Variants in TMEM178B observed in about 807,000 individuals in gnomAD.
TMEM178B encodes the protein transmembrane protein 178B.
TMEM178B carries 5 observed loss-of-function variants against 31.0 expected under a neutral mutation model. The observed-to-expected ratio is 0.16, with a 90% CI of 0.08 to 0.34. The LOEUF (loss-of-function observed/expected upper bound fraction) is 0.34. Among genes scored for constraint, TMEM178B ranks in the 10% least tolerant of loss-of-function variants. TMEM178B has a pLI of 1.00. For missense variants in TMEM178B, 275 were observed against 400.3 expected, an observed-to-expected ratio of 0.69 and a Z score of 2.67; for synonymous variants, 164 against 164.0, an observed-to-expected ratio of 1.00 and a Z score of 0.00.
At chr7:141,400,886 C>A in intron 2 of TMEM178B, among the ~76,000 whole-genome samples, 1 of 152,242 alleles carries the variant, frequency 6.6e-6, no homozygotes, top group East Asian at 1.9e-4. Flanking sequence ...CTTGTCTTCT[C>A]TGCCCCCCAG....
At chr7:141,482,994 C>T (rs1802502588), downstream of TMEM178B, among the ~76,000 whole-genome samples, 1 of 152,108 alleles carries the variant, frequency 6.6e-6, no homozygotes, top group Admixed American at 6.5e-5. Context: ...CAGTCTCCAG[C>T]CCTGTCAGAG....
At chr7:141,508,569 A>G in the TMEM178B span, among the ~76,000 whole-genome samples, 1 of 152,196 alleles carries the variant, frequency 6.6e-6, no homozygotes, top group Admixed American at 6.5e-5. Flanking sequence ...GCTGATAAAG[A>G]CATACCCAAA....
At chr7:141,249,901 G>A (rs1797801379) in intron 2 of TMEM178B, among the ~76,000 whole-genome samples, 1 of 152,076 alleles carries the variant, frequency 6.6e-6, no homozygotes, top group Admixed American at 6.6e-5. Context: ...ATAATTCAGA[G>A]GCAAGCTTTA....
chr7:141,458,121 T>G (rs1160394573), intron 3 of TMEM178B, among the ~76,000 whole-genome samples: 1 of 152,182 alleles, frequency 6.6e-6, no homozygotes, highest in African/African-American at 2.4e-5. Flanking sequence ...TTTTTGTTTG[T>G]TTGTTGTTTA....
intron 2 of TMEM178B, among the ~76,000 whole-genome samples, chr7:141,218,672 G>A (rs780323324): frequency 1.5e-4 from 23 of 151,930 alleles, no homozygotes; most frequent in Admixed American, 3.3e-4. Context: ...TGGACTCTCC[G>A]GTGCCCTCTT....
chr7:141,459,541 A>G (rs1290230165), intron 3 of TMEM178B, among the ~76,000 whole-genome samples: 2 of 152,206 alleles, frequency 1.3e-5, no homozygotes, highest in Non-Finnish European at 2.9e-5. Flanking sequence ...AAAATTTTAA[A>G]GATTCAGAAA....
intron 1 of TMEM178B, among the ~76,000 whole-genome samples, chr7:141,149,183 G>C (rs759750850): frequency 1.3e-4 from 20 of 152,226 alleles, no homozygotes; most frequent in African/African-American, 4.8e-4. Flanking sequence ...GGTTGGACTA[G>C]ATTTCAGTAG....
At chr7:141,155,361 G>A (rs189637880) in intron 1 of TMEM178B, among the ~76,000 whole-genome samples, 14 of 152,278 alleles carry the variant, frequency 9.2e-5, no homozygotes, top group African/African-American at 3.1e-4. Flanking sequence ...CCCTCTCTGA[G>A]TATCCCTGTC....
intron 2 of TMEM178B, among the ~76,000 whole-genome samples, chr7:141,292,881 G>A (rs1205785205): frequency 6.6e-6 from 1 of 151,984 alleles, no homozygotes; most frequent in Admixed American, 6.6e-5. Flanking sequence ...CAGATGATCT[G>A]CCCGCATCAG....
In TMEM178B at chr7:141,074,810, G is replaced by A; in HGVS notation, c.382+118G>A. 7.4e-7 allele frequency: 1 copy of A among 1,354,004 alleles called. No homozygotes were observed. The highest frequency in any genetic ancestry group is 9.7e-7 in the Non-Finnish European group (1 of 1,027,740). The allele number at this position is 1,354,004 out of a possible 1,614,324, so 83.9% of individuals were successfully genotyped here. On this transcript the variant is annotated intron_variant, in intron 1 of 3. Transcript: ENST00000565468. The surrounding 1 kb of genome is among the most constrained non-coding windows in gnomAD (Gnocchi z 5.1). ...CAGGTCTCTGGGTTCCAGGCGGTCC[G>A]GTTATCCAGGCCTGGCTGAGCCTCG...
At chr7:141,256,455 A>G (rs576257861) in intron 2 of TMEM178B, among the ~76,000 whole-genome samples, 2 of 152,294 alleles carry the variant, frequency 1.3e-5, no homozygotes, top group Admixed American at 1.3e-4. Context: ...CTTGGAATGT[A>G]TAGTAACTCA....
At chr7:141,265,830 G>A (rs1210650421) in intron 2 of TMEM178B, among the ~76,000 whole-genome samples, 1 of 152,226 alleles carries the variant, frequency 6.6e-6, no homozygotes, top group Non-Finnish European at 1.5e-5. Context: ...TCCTTGGTGA[G>A]TTGCTGAAGG....
chr7:141,250,505 G>A (rs140288613), intron 2 of TMEM178B, among the ~76,000 whole-genome samples: 81 of 152,278 alleles, frequency 5.3e-4, no homozygotes, highest in Admixed American at 2.0e-3. Context: ...TATTGCTAAG[G>A]AAAGAAAGCA....
chr7:141,342,753 C>T (rs927877697), intron 2 of TMEM178B, among the ~76,000 whole-genome samples: 5 of 152,210 alleles, frequency 3.3e-5, no homozygotes, highest in African/African-American at 1.2e-4. Context: ...CGAGTTTCCG[C>T]AGTCAGTGAG....
At chr7:141,303,715 A>G (rs1798766501) in intron 2 of TMEM178B, among the ~76,000 whole-genome samples, 2 of 152,358 alleles carry the variant, frequency 1.3e-5, no homozygotes, top group Middle Eastern at 3.4e-3. Flanking sequence ...CACCTGATGG[A>G]GGCAAAGACA....
rs1802440677 is a variant in TMEM178B at position 141,479,740 on chromosome 7, AGT to A, written c.*8957_*8958del. ...ACTGACAAAACTCTCAAACGCCTGGAGTGTTTATGGCCCACCAGATTATTGCT... is the reference window on the plus strand; with the variant it reads ...ACTGACAAAACTCTCAAACGCCTGGAGTTTATGGCCCACCAGATTATTGCT... On this transcript the variant is annotated 3_prime_UTR_variant, in exon 4 of 4. Transcript: ENST00000565468. The A allele has an allele frequency of 5.3e-5, 8 of 152,258 alleles. 2 individuals carry two copies. Among genetic ancestry groups the A allele is most frequent in the Admixed American group, 5.2e-4 (8 of 15,296 alleles). The allele number at this position is 152,258 out of a possible 1,614,324, so 9.4% of individuals were successfully genotyped here.
chr7:141,399,918 C>T (rs1430297869), intron 2 of TMEM178B, among the ~76,000 whole-genome samples: 1 of 152,080 alleles, frequency 6.6e-6, no homozygotes, highest in African/African-American at 2.4e-5. Flanking sequence ...AATAAGTGCA[C>T]CGGTATTCTC....
intron 2 of TMEM178B, among the ~76,000 whole-genome samples, chr7:141,413,328 C>T (rs1197715126): frequency 1.3e-5 from 2 of 152,150 alleles, no homozygotes; most frequent in Non-Finnish European, 2.9e-5. Context: ...TGTTGTGAGT[C>T]ACATTGATAC....
intron 1 of TMEM178B, among the ~76,000 whole-genome samples, chr7:141,156,186 G>A (rs941714610): frequency 1.1e-4 from 16 of 152,178 alleles, no homozygotes; most frequent in Non-Finnish European, 1.5e-4. Flanking sequence ...AGTACTGATT[G>A]CTCTGCCAAT....
Sources: allele counts gnomAD v4.1 joint callset (sites outside exome capture counted in the v4.1 genomes callset), GRCh38; gene constraint gnomAD v4.1.1; non-coding constraint Gnocchi (gnomAD v3.1); transcripts MANE v1.5; gene names NCBI Gene and HGNC (gene_info 2026-07-23, HGNC 2026-07-21).